The following GALNT13 variants were observed in gnomAD, a reference collection of about 807,000 sequenced individuals.
GALNT13 encodes the protein UDP-GalNAc:polypeptide N-acetylgalactosaminyltransferase 13.
GALNT13 carries 28 observed loss-of-function variants against 64.2 expected under a neutral mutation model. The ratio of observed to expected loss-of-function variants is 0.44; its 90% CI spans 0.32 to 0.60. The LOEUF is 0.60. Ranked by LOEUF, GALNT13 falls within the 20% of genes least tolerant of loss-of-function variation. The probability of loss-of-function intolerance (pLI) is 0.05; values close to 1 mark genes in which losing one functional copy is unlikely to be tolerated. For synonymous variants in GALNT13, 214 were observed against 224.6 expected, an observed-to-expected ratio of 0.95 and a Z score of 0.42; for missense variants, 577 against 669.8, an observed-to-expected ratio of 0.86 and a Z score of 1.53.
chr2:153,880,014 C>T (rs1175040796), intron 1 of GALNT13, among the ~76,000 whole-genome samples: 1 of 152,022 alleles, frequency 6.6e-6, no homozygotes, highest in Non-Finnish European at 1.5e-5. Flanking sequence ...AAATAAACAG[C>T]TGTTTGTTTC....
At chr2:154,053,146 G>T (rs550128902) in intron 3 of GALNT13, among the ~76,000 whole-genome samples, 3 of 152,272 alleles carry the variant, frequency 2.0e-5, no homozygotes, top group Admixed American at 6.5e-5. Flanking sequence ...AGTTCTTAAA[G>T]ATATCTGACA....
At chr2:154,036,281 T>C (rs969246466) in intron 3 of GALNT13, among the ~76,000 whole-genome samples, 1 of 152,116 alleles carries the variant, frequency 6.6e-6, no homozygotes, top group Non-Finnish European at 1.5e-5. Flanking sequence ...AATGGCAACA[T>C]TGATCCCATG....
chr2:154,296,764 T>A (rs1692948252), intron 8 of GALNT13, among the ~76,000 whole-genome samples: 1 of 152,202 alleles, frequency 6.6e-6, no homozygotes, highest in Non-Finnish European at 1.5e-5. Context: ...TTTATTTTTT[T>A]AAAGATTCTT....
the GALNT13 span, among the ~76,000 whole-genome samples, chr2:153,400,457 A>G: frequency 6.6e-6 from 1 of 152,082 alleles, no homozygotes; most frequent in East Asian, 1.9e-4. Context: ...GTTAGGGAGG[A>G]TTCCCTCTTT....
chr2:154,287,287 C>G, intron 8 of GALNT13: 1 of 722,670 alleles, frequency 1.4e-6, no homozygotes, highest in Non-Finnish European at 2.5e-6. Context: ...TGATCCCCAA[C>G]TCACTGGCCA....
rs182609946 is a variant in GALNT13, at chr2:154,332,694, C to A, written c.1156+31105C>A. 2.5e-3 allele frequency among the ~76,000 whole-genome samples: 378 copies of A among 152,130 alleles called. 2 individuals are homozygous for A. The highest frequency in any genetic ancestry group is 4.1e-3 in the Non-Finnish European group (281 of 67,982). On this transcript the variant is annotated intron_variant, in intron 9 of 12. Coordinates refer to ENST00000392825, the MANE Select transcript of GALNT13 (RefSeq NM_052917.4). ...GCTGGTTGCCCTGTTTACAAACTTG[C>A]CAGTAGCTGTGGCCAGTGCCTCCTC... is the stretch of plus-strand genomic sequence containing the variant.
chr2:153,755,649 C>G, the GALNT13 span, among the ~76,000 whole-genome samples: 4 of 152,096 alleles, frequency 2.6e-5, no homozygotes, highest in East Asian at 7.7e-4. Context: ...TATATTAACC[C>G]CTTATCTGAT....
the GALNT13 span, among the ~76,000 whole-genome samples, chr2:153,272,397 C>T: frequency 7.7e-6 from 1 of 129,510 alleles, no homozygotes; most frequent in Non-Finnish European, 1.6e-5. Flanking sequence ...AGACAAAGAA[C>T]TTAAACAAAT....
At chr2:154,270,765 A>G (rs1343776989) in intron 8 of GALNT13, among the ~76,000 whole-genome samples, 4 of 151,838 alleles carry the variant, frequency 2.6e-5, no homozygotes, top group Non-Finnish European at 5.9e-5. Flanking sequence ...AGTAGACACA[A>G]AGCAGTTGAT....
the GALNT13 span, among the ~76,000 whole-genome samples, chr2:153,718,230 A>G: frequency 6.6e-6 from 1 of 152,196 alleles, no homozygotes; most frequent in Non-Finnish European, 1.5e-5. Context: ...AAGAGAGACG[A>G]AACTGTTTGT....
the GALNT13 span, among the ~76,000 whole-genome samples, chr2:153,864,998 T>C: frequency 6.7e-6 from 1 of 149,226 alleles, no homozygotes; most frequent in Non-Finnish European, 1.5e-5. Flanking sequence ...CCCTCAGAAA[T>C]AACGCCGCCT....
chr2:153,565,704 A>G, the GALNT13 span, among the ~76,000 whole-genome samples: 1 of 152,234 alleles, frequency 6.6e-6, no homozygotes, highest in Non-Finnish European at 1.5e-5. Flanking sequence ...ACAGTTTCCA[A>G]GAATGTATTG....
chr2:154,203,404 A>G (rs1687275605), intron 4 of GALNT13, among the ~76,000 whole-genome samples: 1 of 152,184 alleles, frequency 6.6e-6, no homozygotes, highest in African/African-American at 2.4e-5. Flanking sequence ...CCCAGTTGTA[A>G]CAGAATTGTC....
chr2:154,371,835 G>T lies in GALNT13; in HGVS notation c.1157-24156G>T, dbSNP rs140415035. On this transcript the variant is annotated intron_variant, in intron 9 of 12. Transcript: ENST00000392825. ...ATTAGTCTTGGAGTCATGATCAGGA[G>T]GTAAGTCAACATACACATAAAAATA... Among the ~76,000 whole-genome samples the T allele has an allele frequency of 3.5e-3, 522 of 151,008 alleles. 1 individual carries two copies. Among genetic ancestry groups the T allele is most frequent in the African/African-American group, 0.012 (491 of 41,214 alleles).
intron 11 of GALNT13, chr2:154,437,361 C>G (rs192684574): frequency 6.9e-6 from 2 of 290,024 alleles, no homozygotes; most frequent in South Asian, 6.4e-5. Flanking sequence ...GTTCAGCTTA[C>G]GGAGCTCCAG....
chr2:153,557,952 A>G, the GALNT13 span, among the ~76,000 whole-genome samples: 1 of 152,124 alleles, frequency 6.6e-6, no homozygotes, highest in Non-Finnish European at 1.5e-5. Context: ...GATAAGTGGC[A>G]TTCCCTAGGA....
At chr2:153,661,869 C>G in the GALNT13 span, among the ~76,000 whole-genome samples, 1 of 152,170 alleles carries the variant, frequency 6.6e-6, no homozygotes, top group Non-Finnish European at 1.5e-5. Context: ...TTCTTCATAA[C>G]ATTTTCATCA....
At chr2:153,301,424 CAAAT>C in the GALNT13 span, among the ~76,000 whole-genome samples, 16 of 150,662 alleles carry the variant, frequency 1.1e-4, no homozygotes, top group Non-Finnish European at 1.6e-4. Context: ...ATGTAATTGA[CAAAT>C]AAAAGGTGTA....
the GALNT13 span, among the ~76,000 whole-genome samples, chr2:153,542,097 C>T: frequency 1.3e-5 from 2 of 152,060 alleles, no homozygotes; most frequent in Non-Finnish European, 2.9e-5. Flanking sequence ...GCGGGTGGAA[C>T]ACCTGATGTC....
Sources: allele counts gnomAD v4.1 joint callset (sites outside exome capture counted in the v4.1 genomes callset), GRCh38; gene constraint gnomAD v4.1.1; transcripts MANE v1.5; gene names NCBI Gene and HGNC (gene_info 2026-07-23, HGNC 2026-07-21).